The following GLRB variants were observed in gnomAD, a reference collection of about 807,000 sequenced individuals.
The protein encoded by GLRB is glycine receptor subunit beta.
A neutral mutation model predicts 54.2 loss-of-function variants in GLRB; 33 were observed. That is an observed-to-expected ratio of 0.61 (90% CI 0.46 to 0.81). The LOEUF (loss-of-function observed/expected upper bound fraction) is 0.81. GLRB is among the 40% of genes least tolerant of loss of function. GLRB has a pLI of 0.00. For missense variants in GLRB, 572 were observed against 584.6 expected, an observed-to-expected ratio of 0.98 and a Z score of 0.22; for synonymous variants, 209 against 208.2, an observed-to-expected ratio of 1.00 and a Z score of -0.03.
chr4:157,127,345 T>G (rs59704170), intron 4 of GLRB, among the ~76,000 whole-genome samples: 26,115 of 151,638 alleles, frequency 0.17, 2,663 homozygotes, highest in African/African-American at 0.3. Flanking sequence ...TGTAAAATCA[T>G]AAACATTAAA....
intron 8 of GLRB, among the ~76,000 whole-genome samples, chr4:157,151,336 A>G (rs1349378595): frequency 6.6e-6 from 1 of 152,104 alleles, no homozygotes; most frequent in Non-Finnish European, 1.5e-5. Flanking sequence ...AGTTTAGGGC[A>G]GTAATTGATA....
intron 2 of GLRB, among the ~76,000 whole-genome samples, chr4:157,093,122 G>T (rs1734678763): frequency 6.6e-6 from 1 of 150,860 alleles, no homozygotes; most frequent in African/African-American, 2.4e-5. Context: ...GCAACATATT[G>T]GGTTTACTTA....
At chr4:157,151,898 A>G (rs1737034410) in intron 8 of GLRB, among the ~76,000 whole-genome samples, 1 of 152,128 alleles carries the variant, frequency 6.6e-6, no homozygotes, top group Non-Finnish European at 1.5e-5. Flanking sequence ...ACACTGAATG[A>G]GGTTCCTTTT....
chr4:157,154,219 T>C (rs1403075860), intron 9 of GLRB, among the ~76,000 whole-genome samples: 2 of 152,184 alleles, frequency 1.3e-5, no homozygotes, highest in Non-Finnish European at 2.9e-5. Context: ...ATTATTTCTA[T>C]ATCATTATAT....
At chr4:157,132,418 G>C (rs1421261906) in intron 4 of GLRB, among the ~76,000 whole-genome samples, 1 of 151,538 alleles carries the variant, frequency 6.6e-6, no homozygotes, top group Non-Finnish European at 1.5e-5. Flanking sequence ...TTGTATTGTT[G>C]ATGAAACTGA....
chr4:157,136,688 G>A lies in GLRB; in HGVS notation c.517G>A (p.Val173Ile). 1 of 1,590,986 alleles carries A rather than the reference G, an allele frequency of 6.3e-7. No homozygotes were observed. Among genetic ancestry groups the A allele is most frequent in the Non-Finnish European group, 8.6e-7 (1 of 1,159,026 alleles). ...TATTTTTCGTGATGGAGATGTCCTT[G>A]TCAGCATGAGGTACTCTTTTATATT... The part of the protein sequence containing the change: ...LFIFRDGDVL[V>I]SMRLSITLSC... Residue 173 changes from valine to isoleucine, a missense_variant, in exon 5 of 10, where the codon GTC becomes ATC. By Grantham distance (29) the Val-to-Ile change is conservative. Transcript: ENST00000264428.
chr4:157,087,481 C>A (rs1024776730), intron 2 of GLRB, among the ~76,000 whole-genome samples: 1 of 152,102 alleles, frequency 6.6e-6, no homozygotes, highest in South Asian at 2.1e-4. Flanking sequence ...TGATACAATG[C>A]GGTTTTGTTT....
intron 2 of GLRB, among the ~76,000 whole-genome samples, chr4:157,079,650 A>T (rs888519594): frequency 6.6e-6 from 1 of 152,086 alleles, no homozygotes; most frequent in African/African-American, 2.4e-5. Flanking sequence ...GCCCAGCTGG[A>T]TATCAGCTGG....
At chr4:157,127,623 A>G (rs910776073) in intron 4 of GLRB, among the ~76,000 whole-genome samples, 2 of 151,832 alleles carry the variant, frequency 1.3e-5, no homozygotes, top group African/African-American at 4.8e-5. Flanking sequence ...CTTCAAGTGA[A>G]CCAGTGTAAT....
chr4:157,147,789 C>T (rs923707153), intron 8 of GLRB, among the ~76,000 whole-genome samples: 1 of 151,980 alleles, frequency 6.6e-6, no homozygotes, highest in Admixed American at 6.6e-5. Flanking sequence ...CTGTAGAAGG[C>T]CAGAGAGTAG....
intron 9 of GLRB, among the ~76,000 whole-genome samples, chr4:157,168,841 A>G (rs1489730195): frequency 6.6e-6 from 1 of 152,212 alleles, no homozygotes; most frequent in Non-Finnish European, 1.5e-5. Context: ...ACATCAATAT[A>G]TGCTCATAAT....
chr4:157,143,517 T>G lies in GLRB; in HGVS notation c.752-290T>G, dbSNP rs539153657. Among the ~76,000 whole-genome samples the G allele has an allele frequency of 4.6e-5, 7 of 152,142 alleles. 1 individual carries two copies. In the South Asian group the frequency reaches 1.5e-3, roughly 32 times the overall value. ...AGAAAAGTTCAACTCTATTGCCAAT[T>G]CTCTGAACAATGACCTAAAAGGCTA... On this transcript the variant is annotated intron_variant, in intron 7 of 9. Coordinates refer to ENST00000264428, the MANE Select transcript of GLRB (RefSeq NM_000824.5).
chr4:157,149,084 C>T (rs1736922512), intron 8 of GLRB, among the ~76,000 whole-genome samples: 1 of 152,042 alleles, frequency 6.6e-6, no homozygotes, highest in Admixed American at 6.6e-5. Flanking sequence ...TCTTTCCTTA[C>T]TCTACTATTT....
chr4:157,157,129 T>C (rs1737261837), intron 9 of GLRB, among the ~76,000 whole-genome samples: 1 of 152,116 alleles, frequency 6.6e-6, no homozygotes, highest in African/African-American at 2.4e-5. Context: ...TTGGTGAAAG[T>C]CCTGACCCTC....
intron 9 of GLRB, among the ~76,000 whole-genome samples, chr4:157,153,903 A>T (rs970978606): frequency 6.6e-6 from 1 of 152,194 alleles, no homozygotes; most frequent in African/African-American, 2.4e-5. Flanking sequence ...AATCACCACT[A>T]GTCCCCTCAC....
chr4:157,112,056 C>T (rs1735438483), intron 2 of GLRB, among the ~76,000 whole-genome samples: 1 of 151,506 alleles, frequency 6.6e-6, no homozygotes, highest in Non-Finnish European at 1.5e-5. Context: ...ATTGCAATTC[C>T]TCACATTTCA....
intron 4 of GLRB, among the ~76,000 whole-genome samples, chr4:157,130,654 T>G (rs879321623): frequency 6.6e-6 from 1 of 151,670 alleles, no homozygotes; most frequent in Non-Finnish European, 1.5e-5. Flanking sequence ...TATCTGTTAA[T>G]GGACATGGGT....
At chr4:157,125,988 T>G (rs748175450) in intron 4 of GLRB, among the ~76,000 whole-genome samples, 5 of 151,792 alleles carry the variant, frequency 3.3e-5, no homozygotes, top group Middle Eastern at 3.2e-3. Context: ...CTTCAGCAGA[T>G]AGTGCTTATT....
At chr4:157,096,186 C>A (rs1734803150) in intron 2 of GLRB, among the ~76,000 whole-genome samples, 1 of 152,198 alleles carries the variant, frequency 6.6e-6, no homozygotes, top group South Asian at 2.1e-4. Context: ...CACCCCCATT[C>A]CTCGGCAGGC....
Sources: allele counts gnomAD v4.1 joint callset (sites outside exome capture counted in the v4.1 genomes callset), GRCh38; gene constraint gnomAD v4.1.1; transcripts MANE v1.5; gene names NCBI Gene and HGNC (gene_info 2026-07-23, HGNC 2026-07-21).